The following IGF2R variants were observed in gnomAD, a reference collection of about 807,000 sequenced individuals.
IGF2R encodes the protein insulin like growth factor 2 receptor.
Under a neutral mutation model 270.6 loss-of-function variants are expected in IGF2R, and 91 were observed. The observed-to-expected ratio is 0.34, with a 90% CI of 0.28 to 0.40. The LOEUF (loss-of-function observed/expected upper bound fraction) is 0.40. Ranked by LOEUF, IGF2R falls within the 10% of genes least tolerant of loss-of-function variation. The probability of loss-of-function intolerance (pLI) is 1.00; values close to 1 mark genes in which losing one functional copy is unlikely to be tolerated. For synonymous variants in IGF2R, 1,316 were observed against 1,258.9 expected, an observed-to-expected ratio of 1.05 and a Z score of -0.96; for missense variants, 2,805 against 3,188.3, an observed-to-expected ratio of 0.88 and a Z score of 2.90.
At position 160,054,550 on chromosome 6, in the gene IGF2R, G is replaced by A. The variant is rs531093535; in HGVS notation, c.2695-1874G>A. ...AGCAGCAGAGTCTTTCAAAAGGGTC[G>A]GCTTCTGTTTAGCACTTAGGGAAGA... On this transcript the variant is annotated intron_variant, in intron 19 of 47. Transcript: ENST00000356956. Among the ~76,000 whole-genome samples, 4 of 152,224 alleles carry A rather than the reference G, an allele frequency of 2.6e-5. No individual in the cohort carries two copies. In the South Asian group the frequency reaches 6.2e-4, roughly 24 times the overall value.
chr6:160,088,876 T>C lies in IGF2R; in HGVS notation c.6321-231T>C, dbSNP rs8191925. The stretch of plus-strand genomic sequence containing the variant: ...TGTCCATTGTGGTGATGAAAAGAAG[T>C]GAGTAAAATAACCACCCTCGCTCCG... On this transcript the variant is annotated intron_variant, in intron 42 of 47. Transcript: ENST00000356956. Among the ~76,000 whole-genome samples the C allele has an allele frequency of 8.9e-3, 1,359 of 152,242 alleles. 27 individuals carry two copies. Among genetic ancestry groups the C allele is most frequent in the African/African-American group, 0.031 (1,282 of 41,538 alleles).
Position 160,084,105 on chromosome 6 carries a change from G to A in IGF2R, c.5989G>A (p.Val1997Ile), listed in dbSNP as rs370080412. 91 of 1,613,998 alleles carry A rather than the reference G, an allele frequency of 5.6e-5. No individual in the cohort carries two copies. Among genetic ancestry groups the A allele is most frequent in the African/African-American group, 1.1e-4 (8 of 74,894 alleles). The change falls in exon 40 of 48, where the codon GTC (valine) becomes ATC (isoleucine). Residue 1997 changes from valine to isoleucine, a missense_variant. Physicochemically the swap from Val to Ile is conservative, Grantham distance 29. Around this residue, in one of 2 missense-constraint regions of IGF2R, gnomAD observed 1,851 missense variants for 2,207.2 expected, o/e 0.84. Coordinates refer to ENST00000356956, the MANE Select transcript of IGF2R (RefSeq NM_000876.4). The surrounding 1 kb of genome is among the most constrained non-coding windows in gnomAD (Gnocchi z 4.6). The stretch of plus-strand genomic sequence containing the variant: ...TCCAAAGAAGTTGGAGTGCAAATTC[G>A]TCCAGAAACACAAAACCTACGACCT... ...CPPKKLECKF[V>I]QKHKTYDLRL...
intron 1 of IGF2R, among the ~76,000 whole-genome samples, chr6:159,988,833 G>C (rs1031043386): frequency 1.3e-5 from 2 of 152,006 alleles, no homozygotes; most frequent in Admixed American, 1.3e-4. Flanking sequence ...TCTTTGTTTT[G>C]TTCATTGCTG....
intron 36 of IGF2R, among the ~76,000 whole-genome samples, chr6:160,077,780 G>C (rs1378222804): frequency 1.3e-5 from 2 of 152,188 alleles, no homozygotes; most frequent in African/African-American, 4.8e-5. Context: ...ACAATACTTG[G>C]CCTATGGAAT....
At chr6:160,017,074 G>A (rs967907000) in intron 4 of IGF2R, among the ~76,000 whole-genome samples, 1 of 152,058 alleles carries the variant, frequency 6.6e-6, no homozygotes, top group African/African-American at 2.4e-5. Flanking sequence ...TTTTAAAGAA[G>A]CTTAATGAGA....
In IGF2R at chr6:160,060,706, G is replaced by T. The variant is rs779924269; in HGVS notation, c.3251G>T (p.Cys1084Phe). The change falls in exon 23 of 48, where the codon TGC becomes TTC. Residue 1084 changes from cysteine (C) to phenylalanine (F), a missense_variant. Cys to Phe is a radical substitution (Grantham distance 205). This residue lies in a region of IGF2R where 1,851 missense variants were observed against 2,207.2 expected (regional missense o/e 0.84). Coordinates refer to ENST00000356956, the MANE Select transcript of IGF2R (RefSeq NM_000876.4). ...GCCTGTGTTCCTTCTCCAGTGGACT[G>T]CCAAGTCACCGGTAAGGCCGTGCGG... ...ALACVPSPVD[C>F]QVTDLAGNEY... is the part of the protein sequence containing the mutation. 6.2e-7 allele frequency: 1 copy of T among 1,614,236 alleles called. No homozygotes were observed.
At chr6:160,006,483 T>A (rs1784240484) in intron 2 of IGF2R, 1 of 149,922 alleles carries the variant, frequency 6.7e-6, no homozygotes, top group Admixed American at 6.6e-5. Context: ...GCACTGACCT[T>A]GGTTTCAGAG....
chr6:160,079,801 A>G lies in IGF2R; in HGVS notation c.5686+14A>G. The G allele has an allele frequency of 1.4e-6, 2 of 1,447,584 alleles. No homozygotes were observed. Among genetic ancestry groups the G allele is most frequent in the Non-Finnish European group, 1.8e-6 (2 of 1,094,124 alleles). The allele number at this position is 1,447,584 out of a possible 1,614,324, so 89.7% of individuals were successfully genotyped here. ...GTTGCCCTCCAGGTAAATATTTGCA[A>G]TGAGGTAAATAAACTTCAAGCTCAT... On this transcript the variant is annotated intron_variant, in intron 38 of 47. Coordinates refer to ENST00000356956, the MANE Select transcript of IGF2R (RefSeq NM_000876.4).
At chr6:160,063,701 A>T (rs568867616) in intron 27 of IGF2R, 71 bp downstream of exon 27, 8 of 1,182,218 alleles carry the variant, frequency 6.8e-6, no homozygotes, top group Admixed American at 2.3e-5. Flanking sequence ...TTTGCTGAAG[A>T]TGAATTTTCC....
intron 2 of IGF2R, among the ~76,000 whole-genome samples, chr6:159,993,143 G>A (rs957527154): frequency 1.3e-5 from 2 of 152,100 alleles, no homozygotes; most frequent in Non-Finnish European, 2.9e-5. Flanking sequence ...GTAGATTCTG[G>A]ATGTTAGTCC....
chr6:160,070,467 T>C (rs1778694433), intron 31 of IGF2R, among the ~76,000 whole-genome samples: 2 of 152,218 alleles, frequency 1.3e-5, no homozygotes, highest in South Asian at 2.1e-4. Flanking sequence ...TCAGGTAGTC[T>C]GCCCTGCTCA....
At chr6:160,080,361 C>A in intron 39 of IGF2R, 86 bp downstream of exon 39, 1 of 1,306,460 alleles carries the variant, frequency 7.7e-7, no homozygotes, top group Non-Finnish European at 1.1e-6. Context: ...TTGTGGATGC[C>A]CCAGTCAGTG....
rs530642792 is a variant in IGF2R, at chr6:159,977,266, T to TG, written c.149+7873dup. ...GTTTGTCACCATGATTGCATGGTGC[T>TG]GGTGCCCTTGCAGTGACAGGTGACT... On this transcript the variant is annotated intron_variant, in intron 1 of 47. Coordinates refer to ENST00000356956, the MANE Select transcript of IGF2R (RefSeq NM_000876.4). Among the ~76,000 whole-genome samples the TG allele has an allele frequency of 3.5e-4, 53 of 152,384 alleles. 1 individual carries two copies. In the South Asian group the frequency reaches 0.01, roughly 30 times the overall value.
rs189903477 is a variant in IGF2R, at chr6:160,110,293, C to T, written c.*5209C>T. Reference sequence around the variant, plus strand: ...GTGGGTGGTCTGTATGAGACCACACCGTTGATGAGCAGTGAGGCCCAAACA... The same window carrying T: ...GTGGGTGGTCTGTATGAGACCACACTGTTGATGAGCAGTGAGGCCCAAACA... On this transcript the variant is annotated 3_prime_UTR_variant, in exon 48 of 48. Coordinates refer to ENST00000356956, the MANE Select transcript of IGF2R (RefSeq NM_000876.4). 207 of 152,200 alleles carry T rather than the reference C, an allele frequency of 1.4e-3. No homozygotes were observed. The highest frequency in any genetic ancestry group is 0.012 in the Admixed American group (184 of 15,286). 9.4% of individuals were successfully genotyped at this position (152,200 alleles called of 1,614,324 possible).
At chr6:160,045,718 A>G in intron 13 of IGF2R, 27 bp from the exon 14 acceptor site, 1 of 1,613,706 alleles carries the variant, frequency 6.2e-7, no homozygotes, top group Non-Finnish European at 8.5e-7. Flanking sequence ...CGGATTAGTG[A>G]TCCCCATCTC....
At chr6:160,076,041 G>A (rs1583294595) in intron 36 of IGF2R, 45 bp downstream of exon 36, 1 of 1,594,388 alleles carries the variant, frequency 6.3e-7, no homozygotes, top group Non-Finnish European at 8.6e-7. Context: ...CTGCGGGTTA[G>A]TGAGCCAAGG....
chr6:160,000,183 A>C (rs2115190921), intron 2 of IGF2R, among the ~76,000 whole-genome samples: 1 of 152,334 alleles, frequency 6.6e-6, no homozygotes, highest in African/African-American at 2.4e-5. Flanking sequence ...ACATTGCTGT[A>C]AAGAACTACC....
At chr6:160,065,814 G>GTGTGTGTGTATATA in intron 29 of IGF2R, among the ~76,000 whole-genome samples, 17 of 78,380 alleles carry the variant, frequency 2.2e-4, no homozygotes, top group African/African-American at 3.4e-4. Context: ...GTGTGTGTGT[G>GTGTGTGTGTATATA]TATATATATA....
rs8191820 is a variant in IGF2R at position 160,050,544 on chromosome 6, C to T, written c.2586C>T (p.Ser862=). The T allele has an allele frequency of 1.9e-4, 310 of 1,614,078 alleles. 1 individual carries two copies. In the Middle Eastern group the frequency reaches 3.5e-3, roughly 18 times the overall value. Residue 862 remains serine, a synonymous_variant, in exon 19 of 48, where the codon AGC becomes AGT. Transcript: ENST00000356956. This position sits in a 1 kb window ranked among gnomAD's most constrained non-coding sequence, Gnocchi z 4.0. ...MAKTGPVVED[S]GSLLLEYVNG... The stretch of plus-strand genomic sequence containing the variant: ...AGACCGGCCCGGTGGTTGAGGACAG[C>T]GGCAGCCTCCTTCTGGAATACGTGA...
Sources: gnomAD v4.1 joint callset for allele counts (sites outside exome capture counted in the v4.1 genomes callset) on GRCh38, gnomAD v4.1.1 for gene constraint, gnomAD v4.1.1 regional missense constraint, Gnocchi (gnomAD v3.1) non-coding constraint, MANE v1.5 for transcripts, NCBI Gene and HGNC (gene_info 2026-07-23, HGNC 2026-07-21) for gene names.